ACSS1: variants seen among roughly 807,000 people sequenced by gnomAD.
ACSS1 encodes acetyl-coenzyme A synthetase 2-like, mitochondrial.
ACSS1 carries 42 observed loss-of-function variants against 75.3 expected under a neutral mutation model. That is an observed-to-expected ratio of 0.56 (90% CI 0.44 to 0.72). The LOEUF is 0.72. Ranked by LOEUF, ACSS1 falls within the 30% of genes least tolerant of loss-of-function variation. The pLI is 0.00. For missense variants in ACSS1, 782 were observed against 935.7 expected (o/e 0.84, Z 2.14); for synonymous variants, 380 against 376.8 (o/e 1.01, Z -0.10).
intron 10 of ACSS1, 57 bp from the exon 11 acceptor site, chr20:25,012,996 A>G: frequency 6.2e-7 from 1 of 1,611,328 alleles, no homozygotes; most frequent in Non-Finnish European, 8.5e-7. Context: ...CCCATGTCCC[A>G]ACCTCAGTAA....
At chr20:25,045,059 C>T (rs2089064841) in intron 2 of ACSS1, among the ~76,000 whole-genome samples, 1 of 152,250 alleles carries the variant, frequency 6.6e-6, no homozygotes, top group Non-Finnish European at 1.5e-5. Flanking sequence ...CTGAAAACAG[C>T]TCTAGAATCC....
intron 7 of ACSS1, among the ~76,000 whole-genome samples, chr20:25,019,274 C>A (rs1568833038): frequency 6.6e-6 from 1 of 152,254 alleles, no homozygotes; most frequent in Non-Finnish European, 1.5e-5. Flanking sequence ...TCCCTCCCAG[C>A]ACCAGCCCGA....
intron 2 of ACSS1, among the ~76,000 whole-genome samples, chr20:25,031,440 T>C (rs946991164): frequency 6.6e-5 from 10 of 152,342 alleles, no homozygotes; most frequent in African/African-American, 2.4e-4. Context: ...AAGATGATTA[T>C]AGGCATGCTT....
intron 3 of ACSS1, among the ~76,000 whole-genome samples, chr20:25,030,170 G>A (rs1600328232): frequency 6.6e-6 from 1 of 152,140 alleles, no homozygotes; most frequent in African/African-American, 2.4e-5. Flanking sequence ...GCCAGCTCAG[G>A]GACTCCCTCT....
At chr20:25,020,480 C>G (rs539414937) in intron 6 of ACSS1, among the ~76,000 whole-genome samples, 1 of 152,236 alleles carries the variant, frequency 6.6e-6, no homozygotes, top group South Asian at 2.1e-4. Context: ...AGCTTTCACT[C>G]GATCACACTC....
At chr20:25,021,033 C>T (rs562265595) in intron 6 of ACSS1, among the ~76,000 whole-genome samples, 6 of 152,324 alleles carry the variant, frequency 3.9e-5, no homozygotes, top group Admixed American at 2.6e-4. Context: ...ACAGAAGTGG[C>T]GGGCAGCTGG....
At chr20:25,037,810 C>T (rs2088939116) in intron 2 of ACSS1, among the ~76,000 whole-genome samples, 1 of 152,232 alleles carries the variant, frequency 6.6e-6, no homozygotes, top group South Asian at 2.1e-4. Context: ...GGACCCAGGC[C>T]TGGGGAACAG....
chr20:25,032,485 G>A, intron 2 of ACSS1: 1 of 1,298,888 alleles, frequency 7.7e-7, no homozygotes, highest in Non-Finnish European at 9.8e-7. Context: ...TCCCACTCTT[G>A]CTGTACTGAC....
chr20:25,017,873 C>T lies in ACSS1; in HGVS notation c.1246+2137G>A, dbSNP rs370254431. Reference sequence around the variant, plus strand: ...AAATCTTGCCCTTCAGCCCTGTCCCCACCTAATGCCTAGGGCCCACTCAGG... The same window carrying T: ...AAATCTTGCCCTTCAGCCCTGTCCCTACCTAATGCCTAGGGCCCACTCAGG... On this transcript the variant is annotated intron_variant, in intron 7 of 13. Coordinates refer to ENST00000323482, the MANE Select transcript of ACSS1 (RefSeq NM_032501.4). 2.8e-4 allele frequency among the ~76,000 whole-genome samples: 43 copies of T among 152,372 alleles called. 1 individual carries two copies. Among genetic ancestry groups the T allele is most frequent in the African/African-American group, 9.1e-4 (38 of 41,588 alleles).
rs1413251009 is a variant in ACSS1 at position 25,012,825 on chromosome 20, ATC to A, written c.1692_1693del (p.Glu564AspfsTer2). ...GCCTGTGCTCACGATGGCGTCCTCA[ATC>A]TCTGCGGTCCCCAGCCGGTGGCCAC... On this transcript the variant is annotated frameshift_variant, in exon 11 of 14. Coordinates refer to ENST00000323482, the MANE Select transcript of ACSS1 (RefSeq NM_032501.4). LOFTEE classifies it high-confidence loss of function. 1 of 1,614,154 alleles carries A rather than the reference ATC, an allele frequency of 6.2e-7. No individual in the cohort carries two copies. The highest frequency in any genetic ancestry group is 1.1e-5 in the South Asian group (1 of 91,086).
rs1358328774 is a variant in ACSS1 at position 25,057,820 on chromosome 20, A to G, written c.283T>C (p.Phe95Leu). ...TPYHTVWDCD[F>L]STGKIGWFLG... Reference sequence around the variant, plus strand: ...AACCAGCCGATCTTGCCAGTGCTGAAGTCGCAGTCCCAGACGGTGTGGTAG... The same window carrying G: ...AACCAGCCGATCTTGCCAGTGCTGAGGTCGCAGTCCCAGACGGTGTGGTAG... Residue 95 changes from phenylalanine (F) to leucine (L), a missense_variant, in exon 1 of 14, where the codon TTC (phenylalanine) becomes CTC (leucine). Phe to Leu is a conservative substitution (Grantham distance 22, BLOSUM62 0). Coordinates refer to ENST00000323482, the MANE Select transcript of ACSS1 (RefSeq NM_032501.4). 1.2e-6 allele frequency: 2 copies of G among 1,605,650 alleles called. No homozygotes were observed. The highest frequency in any genetic ancestry group is 2.7e-5 in the African/African-American group (2 of 74,736).
At chr20:25,023,354 G>T in intron 4 of ACSS1, 112 bp downstream of exon 4, 1 of 1,314,128 alleles carries the variant, frequency 7.6e-7, no homozygotes, top group Non-Finnish European at 1.0e-6. Flanking sequence ...TACCACAGAG[G>T]AACCCTGGGC....
intron 7 of ACSS1, among the ~76,000 whole-genome samples, chr20:25,016,225 T>C (rs770757105): frequency 6.6e-5 from 10 of 152,098 alleles, no homozygotes; most frequent in Non-Finnish European, 1.3e-4. Context: ...GCCGGATCTG[T>C]CCGTGGTGAT....
chr20:25,030,909 C>T lies in ACSS1; in HGVS notation c.481G>A (p.Gly161Arg), dbSNP rs780350675. ...CRLANTLKRH[G>R]VHRGDRVAIY... ...GCAACACGGTCCCCACGGTGGACTC[C>T]ATGCCTCTTCAGCGTGTTGGCCAGG... is the stretch of plus-strand genomic sequence containing the variant. Residue 161 changes from glycine to arginine, a missense_variant, in exon 3 of 14, where the codon GGA becomes AGA. Around this residue, in one of 2 missense-constraint regions of ACSS1, gnomAD observed 377 missense variants for 383.1 expected, o/e 0.98. Coordinates refer to ENST00000323482, the MANE Select transcript of ACSS1 (RefSeq NM_032501.4). 2.0e-5 allele frequency: 33 copies of T among 1,614,216 alleles called. No homozygotes were observed. Among genetic ancestry groups the T allele is most frequent in the Non-Finnish European group, 2.8e-5 (33 of 1,180,048 alleles).
intron 10 of ACSS1, among the ~76,000 whole-genome samples, chr20:25,013,295 C>A (rs1207999013): frequency 6.6e-6 from 1 of 152,194 alleles, no homozygotes; most frequent in Non-Finnish European, 1.5e-5. Context: ...GGACTTCACA[C>A]CCACACCTAA....
chr20:25,057,713 A>G, intron 1 of ACSS1, 56 bp downstream of exon 1: 2 of 1,471,154 alleles, frequency 1.4e-6, no homozygotes, highest in Non-Finnish European at 1.8e-6. Context: ...AGAGGCTCCG[A>G]GTCCCCTCGG....
At chr20:25,025,431 G>C (rs539053852) in intron 3 of ACSS1, among the ~76,000 whole-genome samples, 1 of 152,240 alleles carries the variant, frequency 6.6e-6, no homozygotes, top group Non-Finnish European at 1.5e-5. Context: ...CTGGTTTTGA[G>C]CAGGTACCAG....
intron 2 of ACSS1, among the ~76,000 whole-genome samples, chr20:25,044,759 T>A (rs1433229510): frequency 6.6e-6 from 1 of 152,256 alleles, no homozygotes; most frequent in Non-Finnish European, 1.5e-5. Context: ...GCAGGCACTG[T>A]CCTGCTCTGG....
intron 5 of ACSS1, among the ~76,000 whole-genome samples, chr20:25,022,731 T>C (rs181576065): frequency 6.2e-4 from 95 of 152,272 alleles, no homozygotes; most frequent in African/African-American, 2.1e-3. Flanking sequence ...TATCTGGGAG[T>C]TTCCAGACAG....
Sources: gnomAD v4.1 joint callset for allele counts (sites outside exome capture counted in the v4.1 genomes callset) on GRCh38, gnomAD v4.1.1 for gene constraint, gnomAD v4.1.1 regional missense constraint, MANE v1.5 for transcripts, NCBI Gene and HGNC (gene_info 2026-07-23, HGNC 2026-07-21) for gene names.